ASPRV1: variants seen among roughly 807,000 people sequenced by gnomAD.
The protein encoded by ASPRV1 is aspartic peptidase retroviral like 1.
ASPRV1 carries 7 observed loss-of-function variants against 11.0 expected under a neutral mutation model. The observed-to-expected ratio is 0.64, with a 90% CI of 0.36 to 1.20. ASPRV1 has a LOEUF of 1.20. ASPRV1 is among the 50% of genes most tolerant of loss of function. The pLI is 0.02. For missense variants in ASPRV1, 299 were observed against 320.0 expected, an observed-to-expected ratio of 0.93 and a Z score of 0.50; for synonymous variants, 136 against 138.4, an observed-to-expected ratio of 0.98 and a Z score of 0.12.
chr2:69,961,207 T>C lies in ASPRV1; in HGVS notation c.230A>G (p.Tyr77Cys), dbSNP rs139245310. The change falls in exon 1 of 1, where the codon TAT (tyrosine) becomes TGT (cysteine). Residue 77 changes from tyrosine (Y) to cysteine (C), a missense_variant. Transcript: ENST00000320256. Reference protein sequence around the residue: ...NRLSPQDQGDYGTVKEALLKA... With the variant: ...NRLSPQDQGDCGTVKEALLKA... ...CAGGAGGGCCTCTTTCACAGTCCCATAGTCTCCCTGGTCCTGGGGACTGAG... is the reference window on the plus strand; with the variant it reads ...CAGGAGGGCCTCTTTCACAGTCCCACAGTCTCCCTGGTCCTGGGGACTGAG... 1.2e-6 allele frequency: 2 copies of C among 1,613,936 alleles called. No individual in the cohort carries two copies. The highest frequency in any genetic ancestry group is 1.3e-5 in the African/African-American group (1 of 74,924).
At chr2:69,936,918 G>A in the ASPRV1 span, 1 of 506,904 alleles carries the variant, frequency 2.0e-6, no homozygotes, top group South Asian at 1.5e-5. Context: ...AAACAAGGGA[G>A]ATCAGGTTGG....
At chr2:69,951,440 AAAGTG>A in the ASPRV1 span, among the ~76,000 whole-genome samples, 1 of 130,732 alleles carries the variant, frequency 7.6e-6, no homozygotes, top group African/African-American at 3.2e-5. Flanking sequence ...AAAAAAAAAA[AAAGTG>A]AGTGTGTGTG....
At chr2:70,008,852 A>G in the ASPRV1 span, among the ~76,000 whole-genome samples, 1 of 152,116 alleles carries the variant, frequency 6.6e-6, no homozygotes, top group Non-Finnish European at 1.5e-5. Context: ...TCCACTCCCA[A>G]GGAAATCCTT....
chr2:70,007,150 T>C, the ASPRV1 span, among the ~76,000 whole-genome samples: 1 of 152,252 alleles, frequency 6.6e-6, no homozygotes, highest in Admixed American at 6.5e-5. Flanking sequence ...TAAATGCCAA[T>C]CATTGGTTAA....
chr2:69,964,278 G>A (rs1215207048), upstream of ASPRV1: 5 of 437,724 alleles, frequency 1.1e-5, no homozygotes, highest in Admixed American at 5.2e-5. Context: ...TGCTGCTGTG[G>A]CTTGAGGCAG....
At chr2:69,933,243 CT>C in the ASPRV1 span, among the ~76,000 whole-genome samples, 1 of 146,754 alleles carries the variant, frequency 6.8e-6, no homozygotes. Flanking sequence ...GAAAATTAGT[CT>C]ATAAGTTTTA....
chr2:69,961,894 C>T (rs1034389720), upstream of ASPRV1: 24 of 504,020 alleles, frequency 4.8e-5, no homozygotes, highest in African/African-American at 3.2e-4. Context: ...GATGAGGACA[C>T]GGAGGATGTG....
At chr2:69,971,951 G>A in the ASPRV1 span, among the ~76,000 whole-genome samples, 1 of 152,168 alleles carries the variant, frequency 6.6e-6, no homozygotes, top group African/African-American at 2.4e-5. Context: ...GATTGTCCTG[G>A]GAGATTATTC....
the ASPRV1 span, among the ~76,000 whole-genome samples, chr2:69,934,810 T>A: frequency 1.5e-3 from 226 of 152,360 alleles, no homozygotes; most frequent in Non-Finnish European, 2.5e-3. Context: ...ACGGTGTGGA[T>A]GTAGCATAAT....
At chr2:70,075,451 T>A in the ASPRV1 span, among the ~76,000 whole-genome samples, 3 of 151,648 alleles carry the variant, frequency 2.0e-5, no homozygotes, top group Non-Finnish European at 4.4e-5. Flanking sequence ...GCAAGTTTTC[T>A]AACCTCTCTT....
At chr2:69,991,617 G>A in the ASPRV1 span, among the ~76,000 whole-genome samples, 109 of 152,030 alleles carry the variant, frequency 7.2e-4, no homozygotes, top group African/African-American at 2.2e-3. Context: ...GCCCAATCTC[G>A]GCTCACCACA....
the ASPRV1 span, among the ~76,000 whole-genome samples, chr2:70,027,286 C>CG: frequency 7.8e-6 from 1 of 128,000 alleles, no homozygotes; most frequent in Admixed American, 7.7e-5. Context: ...AAAAAAAAAG[C>CG]GGGGGGTGGA....
chr2:70,080,662 A>G, the ASPRV1 span, among the ~76,000 whole-genome samples: 1 of 152,230 alleles, frequency 6.6e-6, no homozygotes, highest in African/African-American at 2.4e-5. Context: ...AAAGAGAATT[A>G]TTGCTATAAA....
the ASPRV1 span, among the ~76,000 whole-genome samples, chr2:70,010,475 G>C: frequency 6.6e-6 from 1 of 152,094 alleles, no homozygotes; most frequent in Non-Finnish European, 1.5e-5. Context: ...AGCAGCGTTG[G>C]GGGGAACTGA....
chr2:70,073,513 CA>C, the ASPRV1 span, among the ~76,000 whole-genome samples: 1 of 152,078 alleles, frequency 6.6e-6, no homozygotes, highest in Admixed American at 6.6e-5. Context: ...AATGATACTT[CA>C]TTTAATCTTT....
chr2:69,937,173 G>A, the ASPRV1 span: 4 of 1,594,432 alleles, frequency 2.5e-6, no homozygotes, highest in South Asian at 3.3e-5. Context: ...GGAAGATGCG[G>A]GGGCCATTGC....
downstream of ASPRV1, among the ~76,000 whole-genome samples, chr2:69,959,594 C>T (rs1158009077): frequency 1.3e-5 from 2 of 152,082 alleles, no homozygotes; most frequent in African/African-American, 2.4e-5. Flanking sequence ...GACCTCCCAC[C>T]GCCGGGACCC....
At chr2:70,021,292 A>G in the ASPRV1 span, among the ~76,000 whole-genome samples, 1 of 147,292 alleles carries the variant, frequency 6.8e-6, no homozygotes, top group Non-Finnish European at 1.5e-5. Context: ...TTCCTCATCC[A>G]TTGTTCTGTA....
At chr2:70,037,915 T>C in the ASPRV1 span, among the ~76,000 whole-genome samples, 1 of 152,220 alleles carries the variant, frequency 6.6e-6, no homozygotes, top group African/African-American at 2.4e-5. Flanking sequence ...CAGCCAGCTG[T>C]CCTGTATCAT....
Sources: gnomAD v4.1 joint callset for allele counts (sites outside exome capture counted in the v4.1 genomes callset) on GRCh38, gnomAD v4.1.1 for gene constraint, MANE v1.5 for transcripts, NCBI Gene and HGNC (gene_info 2026-07-23, HGNC 2026-07-21) for gene names.